ANKRD29: variants seen among roughly 807,000 people sequenced by gnomAD.
ANKRD29 encodes ankyrin repeat domain 29.
A neutral mutation model predicts 38.0 loss-of-function variants in ANKRD29; 32 were observed. The observed-to-expected ratio is 0.84, with a 90% CI of 0.64 to 1.13. ANKRD29 has a LOEUF of 1.13. Among genes scored for constraint, ANKRD29 ranks in the 50% most tolerant of loss-of-function variants. ANKRD29 has a pLI of 0.00. For missense variants in ANKRD29, 357 were observed against 377.9 expected (o/e 0.94, Z 0.46); for synonymous variants, 135 against 152.4 (o/e 0.89, Z 0.84).
intron 1 of ANKRD29, among the ~76,000 whole-genome samples, chr18:23,659,785 A>G (rs1255066381): frequency 3.3e-5 from 5 of 151,260 alleles, no homozygotes; most frequent in South Asian, 2.1e-4. Context: ...AACAAAAAAA[A>G]CTTTTTGAAG....
chr18:23,656,735 A>T (rs1169699794), intron 1 of ANKRD29, among the ~76,000 whole-genome samples: 2 of 152,200 alleles, frequency 1.3e-5, no homozygotes, highest in African/African-American at 4.8e-5. Flanking sequence ...TTACAATAAA[A>T]GGTCTCTTTT....
chr18:23,654,991 A>G (rs1212457673), intron 1 of ANKRD29, among the ~76,000 whole-genome samples: 1 of 152,230 alleles, frequency 6.6e-6, no homozygotes, highest in African/African-American at 2.4e-5. Context: ...GCTCTACTCA[A>G]TAATGAATTT....
rs983471062 is a variant in ANKRD29, at chr18:23,617,656, C to T, written c.723+76G>A. The T allele has an allele frequency of 5.1e-5, 63 of 1,247,088 alleles. 1 individual carries two copies. The South Asian group carries it at 6.1e-4, about 12-fold the overall frequency. 77.3% of individuals were successfully genotyped at this position (1,247,088 alleles called of 1,614,324 possible). On this transcript the variant is annotated intron_variant, in intron 8 of 9. Transcript: ENST00000592179. Reference sequence around the variant, plus strand: ...TAACCAGGCTAACTGCACCCAAATTCGACACAGTCCCCAAGTGAGGACTTA... The same window carrying T: ...TAACCAGGCTAACTGCACCCAAATTTGACACAGTCCCCAAGTGAGGACTTA...
chr18:23,634,284 T>G (rs974660849), intron 4 of ANKRD29, 135 bp from the exon 5 acceptor site: 9,556 of 123,114 alleles, frequency 0.078, 438 homozygotes, highest in Middle Eastern at 0.14. Flanking sequence ...CCCTGTTTTT[T>G]TTTTTTTTTT....
chr18:23,617,223 G>GCAAAA (rs1256421520), intron 8 of ANKRD29, among the ~76,000 whole-genome samples: 4 of 152,014 alleles, frequency 2.6e-5, no homozygotes, highest in African/African-American at 7.3e-5. Context: ...TCTCAAAAAA[G>GCAAAA]CAAAACAAAA....
At chr18:23,637,027 G>A (rs2060011566) in intron 4 of ANKRD29, among the ~76,000 whole-genome samples, 1 of 152,158 alleles carries the variant, frequency 6.6e-6, no homozygotes, top group Non-Finnish European at 1.5e-5. Flanking sequence ...CTGACCTAAT[G>A]GAAACCTGTG....
chr18:23,601,760 C>A (rs1311844004), intron 9 of ANKRD29, among the ~76,000 whole-genome samples: 1 of 151,884 alleles, frequency 6.6e-6, no homozygotes. Context: ...GCGTTGACCT[C>A]CCCAGCTCAA....
At chr18:23,623,318 T>G (rs2059819056) in intron 6 of ANKRD29, among the ~76,000 whole-genome samples, 1 of 152,206 alleles carries the variant, frequency 6.6e-6, no homozygotes, top group South Asian at 2.1e-4. Context: ...TCTCCAAATC[T>G]GATTTTGGAG....
intron 6 of ANKRD29, among the ~76,000 whole-genome samples, chr18:23,621,155 G>T (rs1438582039): frequency 6.6e-6 from 1 of 152,214 alleles, no homozygotes; most frequent in African/African-American, 2.4e-5. Flanking sequence ...GGTAATTATG[G>T]TAATATGCCC....
intron 6 of ANKRD29, among the ~76,000 whole-genome samples, chr18:23,623,648 G>GT (rs1237514164): frequency 0.02 from 2,925 of 144,898 alleles, 74 homozygotes; most frequent in African/African-American, 0.059. Context: ...GATTTCATAT[G>GT]TTTTTTTTTT....
chr18:23,658,981 CT>C (rs906106391), intron 1 of ANKRD29, among the ~76,000 whole-genome samples: 7 of 151,232 alleles, frequency 4.6e-5, no homozygotes, highest in Middle Eastern at 3.4e-3. Flanking sequence ...ATATAAAACA[CT>C]TTTTTTTTGT....
At chr18:23,602,040 T>C (rs1483197026) in intron 9 of ANKRD29, among the ~76,000 whole-genome samples, 1 of 150,868 alleles carries the variant, frequency 6.6e-6, no homozygotes, top group East Asian at 2.0e-4. Flanking sequence ...ACAGGTGTCT[T>C]TTTTTTTGTT....
At chr18:23,627,203 T>C (rs1263650053) in intron 6 of ANKRD29, among the ~76,000 whole-genome samples, 4 of 152,214 alleles carry the variant, frequency 2.6e-5, no homozygotes, top group African/African-American at 9.6e-5. Flanking sequence ...ATAAAAATTA[T>C]TATGATTTGA....
intron 6 of ANKRD29, among the ~76,000 whole-genome samples, chr18:23,625,924 C>G (rs552247236): frequency 2.0e-5 from 3 of 152,212 alleles, no homozygotes; most frequent in African/African-American, 4.8e-5. Context: ...TTCTAACTCT[C>G]AGGCACTGAT....
intron 6 of ANKRD29, among the ~76,000 whole-genome samples, chr18:23,623,449 C>T (rs2059820656): frequency 6.6e-6 from 1 of 151,974 alleles, no homozygotes; most frequent in Non-Finnish European, 1.5e-5. Flanking sequence ...TCTGTTTTCT[C>T]TTATTTTTTC....
At position 23,599,926 on chromosome 18, in the gene ANKRD29, G is replaced by A. The variant is rs544800812; in HGVS notation, c.*1300C>T. 3.3e-5 allele frequency: 5 copies of A among 152,214 alleles called. No homozygotes were observed. In the South Asian group the frequency reaches 1.0e-3, roughly 32 times the overall value. 9.4% of individuals were successfully genotyped at this position (152,214 alleles called of 1,614,324 possible). On this transcript the variant is annotated 3_prime_UTR_variant, in exon 10 of 10. Transcript: ENST00000592179. ...GTTGGTTAAACAAAAATTCTTTTGG[G>A]ATTACAACATTTTCCTCTAAAAGTG...
chr18:23,622,907 C>T (rs1401854728), intron 6 of ANKRD29, among the ~76,000 whole-genome samples: 2 of 152,158 alleles, frequency 1.3e-5, no homozygotes, highest in Admixed American at 6.5e-5. Flanking sequence ...AATGATAACA[C>T]TCATCAAATA....
At chr18:23,642,586 T>G (rs949904823) in intron 3 of ANKRD29, among the ~76,000 whole-genome samples, 2 of 152,180 alleles carry the variant, frequency 1.3e-5, no homozygotes, top group East Asian at 3.9e-4. Context: ...TGCAACCTGC[T>G]GGGCCAAGTG....
At chr18:23,641,504 C>T (rs768396614) in intron 3 of ANKRD29, among the ~76,000 whole-genome samples, 3 of 152,212 alleles carry the variant, frequency 2.0e-5, no homozygotes, top group Non-Finnish European at 4.4e-5. Flanking sequence ...TGTTGACATG[C>T]CAGCCTTGCC....
Sources: gnomAD v4.1 joint callset for allele counts (sites outside exome capture counted in the v4.1 genomes callset) on GRCh38, gnomAD v4.1.1 for gene constraint, MANE v1.5 for transcripts, NCBI Gene and HGNC (gene_info 2026-07-23, HGNC 2026-07-21) for gene names.